Variants in EIF3H observed in about 807,000 individuals in gnomAD.
EIF3H encodes eukaryotic translation initiation factor 3 subunit H, also known as eIF-3-gamma.
A neutral mutation model predicts 44.2 loss-of-function variants in EIF3H; 26 were observed. The observed-to-expected ratio is 0.59, with a 90% CI of 0.43 to 0.82. The LOEUF (loss-of-function observed/expected upper bound fraction) is 0.82, where lower values mean the gene tolerates loss of function less well. Ranked by LOEUF, EIF3H falls within the 40% of genes least tolerant of loss-of-function variation. The pLI is 0.00. For synonymous variants in EIF3H, 166 were observed against 151.9 expected, an observed-to-expected ratio of 1.09 and a Z score of -0.68; for missense variants, 359 against 432.8, an observed-to-expected ratio of 0.83 and a Z score of 1.51.
chr8:116,688,438 C>G (rs147569691), intron 2 of EIF3H, among the ~76,000 whole-genome samples: 120 of 151,948 alleles, frequency 7.9e-4, no homozygotes, highest in Middle Eastern at 3.4e-3. Context: ...AAGGATATAG[C>G]AATGAAAAAT....
intron 5 of EIF3H, among the ~76,000 whole-genome samples, chr8:116,653,348 A>AACACAC (rs771922316): frequency 3.5e-4 from 51 of 144,674 alleles, no homozygotes; most frequent in Middle Eastern, 3.4e-3. Context: ...AACAATCAGA[A>AACACAC]ACACACACAC....
At chr8:116,719,120 T>C (rs1013487503) in intron 2 of EIF3H, among the ~76,000 whole-genome samples, 6 of 152,150 alleles carry the variant, frequency 3.9e-5, no homozygotes, top group Non-Finnish European at 5.9e-5. Context: ...TAACTGACCA[T>C]TGGATCACAT....
chr8:116,735,243 T>C (rs552438490), intron 1 of EIF3H, among the ~76,000 whole-genome samples: 4 of 152,356 alleles, frequency 2.6e-5, no homozygotes, highest in South Asian at 2.1e-4. Flanking sequence ...TCTCTGTTCT[T>C]GGGTCAGGAT....
chr8:116,652,709 G>A (rs1044387354), intron 5 of EIF3H, among the ~76,000 whole-genome samples: 2 of 151,518 alleles, frequency 1.3e-5, no homozygotes, highest in African/African-American at 4.9e-5. Flanking sequence ...CTTTCAAATT[G>A]TCTAAAGAGT....
chr8:116,745,906 G>C (rs947225862), intron 1 of EIF3H, among the ~76,000 whole-genome samples: 2 of 151,414 alleles, frequency 1.3e-5, no homozygotes, highest in African/African-American at 2.4e-5. Context: ...GGTCGACAGA[G>C]CAAGACTCTG....
intron 2 of EIF3H, among the ~76,000 whole-genome samples, chr8:116,713,739 ATGT>A (rs1467258628): frequency 1.3e-5 from 2 of 152,136 alleles, no homozygotes; most frequent in African/African-American, 4.8e-5. Flanking sequence ...ATCCAAAAAA[ATGT>A]AAGTGAGCAA....
chr8:116,674,179 C>CATT (rs1813806694), intron 2 of EIF3H, among the ~76,000 whole-genome samples: 1 of 146,878 alleles, frequency 6.8e-6, no homozygotes, highest in Non-Finnish European at 1.5e-5. Flanking sequence ...AAGTATAATA[C>CATT]ATTATTTCAT....
chr8:116,734,314 T>C (rs1407608416), intron 1 of EIF3H: 4 of 455,950 alleles, frequency 8.8e-6, no homozygotes, highest in Admixed American at 2.4e-5. Context: ...AGAGGATACC[T>C]GACCAGAGAA....
chr8:116,764,663 ACT>A (rs2131016176), intron 1 of EIF3H, among the ~76,000 whole-genome samples: 1 of 151,714 alleles, frequency 6.6e-6, no homozygotes, highest in East Asian at 1.9e-4. Context: ...GTAATAGAAA[ACT>A]CTATTTTTTT....
At chr8:116,696,438 C>G (rs1814269814) in intron 2 of EIF3H, among the ~76,000 whole-genome samples, 1 of 152,144 alleles carries the variant, frequency 6.6e-6, no homozygotes, top group Non-Finnish European at 1.5e-5. Flanking sequence ...TTGAAAATTT[C>G]TTAAAAGAGA....
intron 2 of EIF3H, among the ~76,000 whole-genome samples, chr8:116,700,884 C>T (rs564312881): frequency 2.6e-5 from 4 of 152,206 alleles, no homozygotes; most frequent in African/African-American, 9.6e-5. Flanking sequence ...TATATGCTTT[C>T]CCAAGTCAGT....
At position 116,660,128 on chromosome 8, in the gene EIF3H, G is replaced by A. The variant is rs533937374; in HGVS notation, c.290-1148C>T. ...CTGGTCTCGTACTCCTAGGATCAAA[G>A]AATCCACCCACCTCGGCCTCCCAAA... On this transcript the variant is annotated intron_variant, in intron 2 of 7. Transcript: ENST00000521861. Among the ~76,000 whole-genome samples, 4 of 152,188 alleles carry A rather than the reference G, an allele frequency of 2.6e-5. No homozygotes were observed. In the East Asian group the frequency reaches 7.7e-4, roughly 29 times the overall value.
chr8:116,694,135 T>C (rs529091145), intron 2 of EIF3H, among the ~76,000 whole-genome samples: 295 of 150,466 alleles, frequency 2.0e-3, no homozygotes, highest in African/African-American at 6.8e-3. Context: ...TCAAGAATTA[T>C]GAGCAAACCT....
chr8:116,660,144 G>A (rs933320086), intron 2 of EIF3H, among the ~76,000 whole-genome samples: 1 of 152,212 alleles, frequency 6.6e-6, no homozygotes. Context: ...ACCCACCTCG[G>A]CCTCCCAAAG....
At chr8:116,657,650 G>A in intron 3 of EIF3H, 1 of 224,692 alleles carries the variant, frequency 4.5e-6, no homozygotes, top group Non-Finnish European at 8.6e-6. Flanking sequence ...TGTATAATTA[G>A]GAAATCACTG....
At chr8:116,738,836 C>T (rs958481778) in intron 1 of EIF3H, among the ~76,000 whole-genome samples, 1 of 152,206 alleles carries the variant, frequency 6.6e-6, no homozygotes, top group Admixed American at 6.5e-5. Flanking sequence ...TATTAAAAAA[C>T]ACTGAATTAT....
chr8:116,766,366 C>T (rs1428415968), upstream of EIF3H: 5 of 430,400 alleles, frequency 1.2e-5, no homozygotes, highest in African/African-American at 4.1e-5. Flanking sequence ...GGTTTTCCAG[C>T]GTACGCACAA....
intron 2 of EIF3H, among the ~76,000 whole-genome samples, chr8:116,717,002 G>A (rs1299478146): frequency 6.6e-6 from 1 of 152,102 alleles, no homozygotes; most frequent in African/African-American, 2.4e-5. Flanking sequence ...GCTAGTTTTA[G>A]AGAGCACAAA....
chr8:116,651,135 T>C (rs1011448360), intron 5 of EIF3H, among the ~76,000 whole-genome samples: 4 of 151,646 alleles, frequency 2.6e-5, no homozygotes, highest in African/African-American at 9.7e-5. Flanking sequence ...CTGAAAAGGG[T>C]TTAAATGGTC....
Sources: allele counts gnomAD v4.1 joint callset (sites outside exome capture counted in the v4.1 genomes callset), GRCh38; gene constraint gnomAD v4.1.1; transcripts MANE v1.5; gene names NCBI Gene and HGNC (gene_info 2026-07-23, HGNC 2026-07-21).